Variants in TMEM163 observed in about 807,000 individuals in gnomAD.
TMEM163 encodes the protein transmembrane protein 163.
TMEM163 carries 17 observed loss-of-function variants against 29.3 expected under a neutral mutation model. The ratio of observed to expected loss-of-function variants is 0.58; its 90% CI spans 0.40 to 0.87. The LOEUF is 0.87. Among genes scored for constraint, TMEM163 ranks in the 40% least tolerant of loss-of-function variants. TMEM163 has a pLI of 0.00. For synonymous variants in TMEM163, 157 were observed against 160.6 expected (o/e 0.98, Z 0.17); for missense variants, 303 against 381.5 (o/e 0.79, Z 1.71).
intron 4 of TMEM163, among the ~76,000 whole-genome samples, chr2:134,521,016 T>TTG (rs1553476781): frequency 0.052 from 7,816 of 151,462 alleles, 473 homozygotes; most frequent in East Asian, 0.24. Context: ...TTTTTTTTTT[T>TTG]GAGAGGCAGC....
chr2:134,466,404 G>C (rs1299452829), intron 5 of TMEM163, 179 bp from the exon 6 acceptor site: 1 of 566,952 alleles, frequency 1.8e-6, no homozygotes, highest in Admixed American at 3.2e-5. Flanking sequence ...AATTGGAAAA[G>C]ATGCTCAAAA....
intron 2 of TMEM163, among the ~76,000 whole-genome samples, chr2:134,570,524 A>ATATACACATACACATACATAT (rs1395682083): frequency 6.8e-6 from 1 of 147,974 alleles, no homozygotes; most frequent in African/African-American, 2.5e-5. Flanking sequence ...ATACATATAC[A>ATATACACATACACATACATAT]ACATAGTCAT....
rs1209133513 is a variant in TMEM163 at position 134,460,726 on chromosome 2, C to T, written c.668-2553G>A. 1.3e-5 allele frequency among the ~76,000 whole-genome samples: 2 copies of T among 152,200 alleles called. No homozygotes were observed. Among genetic ancestry groups the T allele is most frequent in the Non-Finnish European group, 2.9e-5 (2 of 68,034 alleles). Reference sequence around the variant, plus strand: ...CAGCCACTAGATGTCTGCTCAGCTCCACCAAGTCACCCGCTCTGCCAGCCA... The same window carrying T: ...CAGCCACTAGATGTCTGCTCAGCTCTACCAAGTCACCCGCTCTGCCAGCCA... On this transcript the variant is annotated intron_variant, in intron 6 of 7. Coordinates refer to ENST00000281924, the MANE Select transcript of TMEM163 (RefSeq NM_030923.5). This position sits in a 1 kb window ranked among gnomAD's most constrained non-coding sequence, Gnocchi z 4.3.
chr2:134,617,097 G>T (rs1305033270), intron 2 of TMEM163, among the ~76,000 whole-genome samples: 1 of 152,020 alleles, frequency 6.6e-6, no homozygotes, highest in East Asian at 1.9e-4. Flanking sequence ...AATGGCATAA[G>T]GTTATATAAG....
chr2:134,707,880 G>T (rs1038889290), intron 2 of TMEM163, among the ~76,000 whole-genome samples: 4 of 150,204 alleles, frequency 2.7e-5, no homozygotes, highest in Non-Finnish European at 5.9e-5. Context: ...GGGGGCAAAA[G>T]TCAGGGCAGA....
intron 4 of TMEM163, among the ~76,000 whole-genome samples, chr2:134,525,550 TTATAA>T: frequency 6.6e-6 from 1 of 152,318 alleles, no homozygotes; most frequent in Non-Finnish European, 1.5e-5. Flanking sequence ...TGTTGTGACA[TTATAA>T]GTGTTGTGTG....
rs574029185 is a variant in TMEM163, at chr2:134,462,482, C to A, written c.667+3632G>T. 2.6e-5 allele frequency among the ~76,000 whole-genome samples: 4 copies of A among 152,338 alleles called. No homozygotes were observed. In the South Asian group the frequency reaches 8.3e-4, roughly 32 times the overall value. ...CAAGTAAGGAAGGGACTCCCCCATG[C>A]CCCTTCCTCACTCGGACTCCCTCCG... On this transcript the variant is annotated intron_variant, in intron 6 of 7. Transcript: ENST00000281924.
intron 2 of TMEM163, among the ~76,000 whole-genome samples, chr2:134,633,461 A>T (rs1318876799): frequency 6.6e-6 from 1 of 152,160 alleles, no homozygotes; most frequent in Non-Finnish European, 1.5e-5. Context: ...ATCCTAGGGA[A>T]GGATAGGAAT....
intron 4 of TMEM163, among the ~76,000 whole-genome samples, chr2:134,524,770 T>C (rs1680257631): frequency 6.6e-6 from 1 of 150,496 alleles, no homozygotes. Context: ...AGTCTATCAT[T>C]GATGGGCATT....
chr2:134,714,914 T>C (rs1032536960), intron 1 of TMEM163, among the ~76,000 whole-genome samples: 2 of 152,338 alleles, frequency 1.3e-5, no homozygotes, highest in Non-Finnish European at 2.9e-5. Context: ...TTTTCAACTA[T>C]ACAATCACCA....
intron 2 of TMEM163, among the ~76,000 whole-genome samples, chr2:134,570,471 T>TATACATATACATATACATATACAC (rs1558948882): frequency 1.2e-4 from 5 of 41,888 alleles, no homozygotes; most frequent in African/African-American, 7.1e-4. Flanking sequence ...TACATATATA[T>TATACATATACATATACATATACAC]ATACATATAC....
chr2:134,546,318 A>G (rs1332985904), intron 4 of TMEM163, among the ~76,000 whole-genome samples: 1 of 152,182 alleles, frequency 6.6e-6, no homozygotes, highest in East Asian at 1.9e-4. Context: ...ATGGATAAAC[A>G]AAATGTGGCA....
intron 2 of TMEM163, among the ~76,000 whole-genome samples, chr2:134,658,001 T>C (rs1683659580): frequency 6.8e-6 from 1 of 146,584 alleles, no homozygotes; most frequent in Non-Finnish European, 1.5e-5. Context: ...CCCCTGAACT[T>C]AAAAGTTGAA....
At chr2:134,689,158 G>T (rs1411431985) in intron 2 of TMEM163, among the ~76,000 whole-genome samples, 1 of 149,654 alleles carries the variant, frequency 6.7e-6, no homozygotes, top group Non-Finnish European at 1.5e-5. Flanking sequence ...ACCCAGGCTG[G>T]AGTGCAATGG....
intron 2 of TMEM163, among the ~76,000 whole-genome samples, chr2:134,710,917 CA>C (rs1369270368): frequency 6.6e-6 from 1 of 152,184 alleles, no homozygotes; most frequent in Non-Finnish European, 1.5e-5. Flanking sequence ...CGAATTGATG[CA>C]ACTCGGCCAT....
chr2:134,654,593 AT>A (rs1295508361), intron 2 of TMEM163, among the ~76,000 whole-genome samples: 1 of 76,394 alleles, frequency 1.3e-5, no homozygotes, highest in Non-Finnish European at 2.3e-5. Flanking sequence ...TGTCATTATG[AT>A]GTTAGCTGGT....
intron 2 of TMEM163, among the ~76,000 whole-genome samples, chr2:134,679,525 T>A (rs1037165404): frequency 2.0e-5 from 3 of 151,966 alleles, no homozygotes; most frequent in Non-Finnish European, 4.4e-5. Flanking sequence ...TTCACCAGAG[T>A]GATAGAAGTG....
chr2:134,591,525 C>T (rs1681933682), intron 2 of TMEM163, among the ~76,000 whole-genome samples: 1 of 152,114 alleles, frequency 6.6e-6, no homozygotes, highest in Non-Finnish European at 1.5e-5. Flanking sequence ...GGAATGCAGC[C>T]CAGTAGGTTT....
At chr2:134,559,950 A>G (rs540950424) in intron 2 of TMEM163, among the ~76,000 whole-genome samples, 4 of 152,082 alleles carry the variant, frequency 2.6e-5, no homozygotes, top group Admixed American at 6.5e-5. Flanking sequence ...AGGATGGAGG[A>G]AGCCTCTGTT....
Sources: gnomAD v4.1 joint callset for allele counts (sites outside exome capture counted in the v4.1 genomes callset) on GRCh38, gnomAD v4.1.1 for gene constraint, Gnocchi (gnomAD v3.1) non-coding constraint, MANE v1.5 for transcripts, NCBI Gene and HGNC (gene_info 2026-07-23, HGNC 2026-07-21) for gene names.